KATNIP: variants seen among roughly 807,000 people sequenced by gnomAD.
The protein encoded by KATNIP is katanin-interacting protein.
A neutral mutation model predicts 174.0 loss-of-function variants in KATNIP; 126 were observed. That is an observed-to-expected ratio of 0.72 (90% CI 0.63 to 0.84). The LOEUF is 0.84. Ranked by LOEUF, KATNIP falls within the 40% of genes least tolerant of loss-of-function variation. KATNIP has a pLI of 0.00. For missense variants in KATNIP, 1,958 were observed against 2,109.7 expected (o/e 0.93, Z 1.41); for synonymous variants, 810 against 835.7 (o/e 0.97, Z 0.53).
intron 5 of KATNIP, among the ~76,000 whole-genome samples, chr16:27,642,208 T>C (rs1161999500): frequency 1.3e-5 from 2 of 152,218 alleles, no homozygotes; most frequent in East Asian, 1.9e-4. Context: ...TAAAAAATGA[T>C]GAGTTCATGT....
intron 2 of KATNIP, among the ~76,000 whole-genome samples, chr16:27,616,100 G>A (rs527811007): frequency 1.1e-4 from 16 of 152,264 alleles, no homozygotes; most frequent in Non-Finnish European, 1.9e-4. Context: ...GGCCAGGTGC[G>A]GTGGCTCGCA....
intron 19 of KATNIP, among the ~76,000 whole-genome samples, chr16:27,763,318 A>T (rs1597401393): frequency 2.0e-5 from 3 of 151,044 alleles, no homozygotes; most frequent in East Asian, 1.9e-4. Context: ...AATAAATAAA[A>T]AAAAGTAGCC....
intron 14 of KATNIP, among the ~76,000 whole-genome samples, chr16:27,733,583 A>G (rs1442654166): frequency 6.6e-6 from 1 of 151,884 alleles, no homozygotes; most frequent in Non-Finnish European, 1.5e-5. Context: ...ACACACACAC[A>G]CACACACACA....
intron 14 of KATNIP, 127 bp downstream of exon 14, chr16:27,721,822 G>A (rs2080256137): frequency 2.0e-6 from 2 of 995,690 alleles, no homozygotes; most frequent in Admixed American, 2.5e-5. Flanking sequence ...CGTGTGTGCA[G>A]CAAGAGCCTG....
chr16:27,761,363 C>G (rs767700490), intron 18 of KATNIP, 50 bp from the exon 19 acceptor site: 1 of 1,522,484 alleles, frequency 6.6e-7, no homozygotes, highest in Non-Finnish European at 8.9e-7. Context: ...ATTTTAGATG[C>G]CTCCTCTGGA....
chr16:27,742,640 T>C (rs1030172948), intron 15 of KATNIP, among the ~76,000 whole-genome samples: 2 of 152,118 alleles, frequency 1.3e-5, no homozygotes, highest in Non-Finnish European at 2.9e-5. Flanking sequence ...TCCTCCTCTG[T>C]AAAATGACAC....
intron 5 of KATNIP, among the ~76,000 whole-genome samples, chr16:27,644,922 T>G (rs773164636): frequency 6.6e-6 from 1 of 152,204 alleles, no homozygotes; most frequent in Non-Finnish European, 1.5e-5. Flanking sequence ...GTAAGGCACC[T>G]GGAGCAGAAT....
chr16:27,618,082 A>G (rs1483310633), intron 2 of KATNIP, among the ~76,000 whole-genome samples: 47 of 152,166 alleles, frequency 3.1e-4, no homozygotes, highest in Admixed American at 3.0e-3. Flanking sequence ...TCTGGTTATG[A>G]CAATTGAGAT....
chr16:27,648,486 AC>A, intron 5 of KATNIP, 117 bp from the exon 6 acceptor site: 2 of 1,219,350 alleles, frequency 1.6e-6, no homozygotes, highest in Non-Finnish European at 2.3e-6. Flanking sequence ...CAGGCACACC[AC>A]CCCATGGTAT....
chr16:27,754,413 G>A (rs1405965426), intron 18 of KATNIP, 162 bp downstream of exon 18: 31 of 627,592 alleles, frequency 4.9e-5, no homozygotes, highest in Middle Eastern at 4.2e-4. Flanking sequence ...ACCAGCCTGC[G>A]CTCAGCTCCC....
At chr16:27,612,495 C>T (rs965766111) in intron 2 of KATNIP, among the ~76,000 whole-genome samples, 15 of 152,016 alleles carry the variant, frequency 9.9e-5, no homozygotes, top group African/African-American at 3.1e-4. Context: ...TGGTGGCTCA[C>T]GCTTGTAATC....
At chr16:27,764,296 T>G (rs1170545694) in intron 19 of KATNIP, among the ~76,000 whole-genome samples, 2 of 152,238 alleles carry the variant, frequency 1.3e-5, no homozygotes, top group Non-Finnish European at 2.9e-5. Context: ...TGTGTTTCTT[T>G]TTAGGGATTA....
At chr16:27,583,312 A>T (rs932174666) in intron 2 of KATNIP, among the ~76,000 whole-genome samples, 6 of 152,206 alleles carry the variant, frequency 3.9e-5, no homozygotes, top group Non-Finnish European at 1.5e-5. Context: ...GTGCCCTTCA[A>T]CAGAGCACCA....
intron 1 of KATNIP, among the ~76,000 whole-genome samples, chr16:27,572,073 G>A (rs569633170): frequency 6.6e-6 from 1 of 151,926 alleles, no homozygotes; most frequent in African/African-American, 2.4e-5. Context: ...AGAAATTACA[G>A]AGAGCTCCCA....
intron 6 of KATNIP, among the ~76,000 whole-genome samples, chr16:27,664,344 A>C (rs905138725): frequency 6.6e-6 from 1 of 152,208 alleles, no homozygotes; most frequent in African/African-American, 2.4e-5. Context: ...TTTCAAAAGA[A>C]TAATCATTCT....
chr16:27,777,554 A>C lies in KATNIP; in HGVS notation c.4552-56A>C, dbSNP rs1290967073. The C allele has an allele frequency of 5.9e-6, 9 of 1,526,162 alleles. No individual in the cohort carries two copies. The highest frequency in any genetic ancestry group is 2.0e-5 in the Admixed American group (1 of 50,938). The allele number at this position is 1,526,162 out of a possible 1,614,324, so 94.5% of individuals were successfully genotyped here. A position where few individuals can be genotyped will look rare whatever the true frequency, so the allele number is the denominator to read the frequency against. On this transcript the variant is annotated intron_variant, in intron 25 of 27. Transcript: ENST00000261588. This position sits in a 1 kb window ranked among gnomAD's most constrained non-coding sequence, Gnocchi z 4.4. ...TCAGAGCAGTAACGCGTTCTGCCCA[A>C]GGTCAACGTGGGAGGGACGAGGGGG...
chr16:27,726,363 A>G (rs559440490), intron 14 of KATNIP, among the ~76,000 whole-genome samples: 1 of 152,216 alleles, frequency 6.6e-6, no homozygotes, highest in Non-Finnish European at 1.5e-5. Flanking sequence ...GATGGTAGAC[A>G]TGTCCTGTAT....
intron 6 of KATNIP, among the ~76,000 whole-genome samples, chr16:27,672,200 C>T (rs1031654770): frequency 1.3e-5 from 2 of 152,222 alleles, no homozygotes; most frequent in African/African-American, 4.8e-5. Flanking sequence ...CCCGTGACTG[C>T]TGCCTCCCTC....
chr16:27,600,487 T>A (rs1029035604), intron 2 of KATNIP, among the ~76,000 whole-genome samples: 4 of 152,250 alleles, frequency 2.6e-5, no homozygotes, highest in East Asian at 3.9e-4. Flanking sequence ...AGCCGTCCCC[T>A]GGGATCAGCC....
Sources: gnomAD v4.1 joint callset for allele counts (sites outside exome capture counted in the v4.1 genomes callset) on GRCh38, gnomAD v4.1.1 for gene constraint, Gnocchi (gnomAD v3.1) non-coding constraint, MANE v1.5 for transcripts, NCBI Gene and HGNC (gene_info 2026-07-23, HGNC 2026-07-21) for gene names.